The following PHKB variants were observed in gnomAD, a reference collection of about 807,000 sequenced individuals.
PHKB encodes the protein phosphorylase kinase regulatory subunit beta.
Under a neutral mutation model 152.1 loss-of-function variants are expected in PHKB, and 122 were observed. That is an observed-to-expected ratio of 0.80 (90% CI 0.69 to 0.93). The LOEUF (loss-of-function observed/expected upper bound fraction) is 0.93, where lower values mean the gene tolerates loss of function less well. PHKB is among the 40% of genes least tolerant of loss of function. The pLI is 0.00. For missense variants in PHKB, 1,304 were observed against 1,328.4 expected (o/e 0.98, Z 0.29); for synonymous variants, 436 against 464.9 (o/e 0.94, Z 0.80).
intron 7 of PHKB, among the ~76,000 whole-genome samples, chr16:47,569,875 G>A (rs528805026): frequency 3.9e-5 from 6 of 152,070 alleles, no homozygotes; most frequent in Admixed American, 6.5e-5. Context: ...CACCTGCCTC[G>A]GCCTCCCAAA....
intron 6 of PHKB, among the ~76,000 whole-genome samples, chr16:47,530,184 A>G (rs1178271919): frequency 2.8e-5 from 4 of 143,534 alleles, no homozygotes; most frequent in Non-Finnish European, 4.5e-5. Context: ...CACCCAAGCT[A>G]GATGGCAGTG....
At chr16:47,603,543 G>A (rs1487476822) in intron 13 of PHKB, among the ~76,000 whole-genome samples, 6 of 144,594 alleles carry the variant, frequency 4.1e-5, no homozygotes, top group South Asian at 2.2e-4. Context: ...TCGCTGTGTC[G>A]CCCAGGCTGG....
intron 1 of PHKB, among the ~76,000 whole-genome samples, chr16:47,476,608 A>G (rs1465163270): frequency 2.0e-5 from 3 of 152,218 alleles, no homozygotes; most frequent in Non-Finnish European, 2.9e-5. Flanking sequence ...TTTTCATTAT[A>G]TTGATACTTA....
intron 13 of PHKB, among the ~76,000 whole-genome samples, chr16:47,609,880 A>G (rs1355122645): frequency 1.3e-5 from 2 of 151,828 alleles, no homozygotes; most frequent in African/African-American, 4.8e-5. Flanking sequence ...GATTTTCTTG[A>G]TTCTGTATTG....
intron 27 of PHKB, 115 bp downstream of exon 27, chr16:47,689,290 G>A (rs1401573339): frequency 3.9e-6 from 4 of 1,014,640 alleles, no homozygotes; most frequent in Non-Finnish European, 3.0e-6. Context: ...ATTCAACAGA[G>A]TGTCAGAGGC....
chr16:47,466,930 G>A (rs541621130), intron 1 of PHKB, among the ~76,000 whole-genome samples: 2 of 152,184 alleles, frequency 1.3e-5, no homozygotes, highest in East Asian at 3.9e-4. Flanking sequence ...TGGTGTTCAC[G>A]TACACCTGGG....
At chr16:47,635,237 G>A (rs1358630542) in intron 14 of PHKB, among the ~76,000 whole-genome samples, 1 of 152,132 alleles carries the variant, frequency 6.6e-6, no homozygotes, top group Non-Finnish European at 1.5e-5. Flanking sequence ...TCTCCATGTT[G>A]CCACTTAATA....
intron 7 of PHKB, among the ~76,000 whole-genome samples, chr16:47,575,852 G>C (rs914595081): frequency 2.6e-5 from 4 of 152,128 alleles, no homozygotes; most frequent in African/African-American, 9.7e-5. Flanking sequence ...CGAGACAGGC[G>C]GATCACCTGA....
At position 47,669,389 on chromosome 16, in the gene PHKB, T is replaced by G; in HGVS notation, c.2602T>G (p.Phe868Val). ...GWIISNNPEL[F>V]SGMLKIRIGW... ...GATCATCTCCAATAACCCTGAGTTATTCAGTGGCATGCTGAAAATACGAAT... is the reference window on the plus strand; with the variant it reads ...GATCATCTCCAATAACCCTGAGTTAGTCAGTGGCATGCTGAAAATACGAAT... Residue 868 changes from phenylalanine (F) to valine (V), a missense_variant, in exon 26 of 31, where the codon TTC becomes GTC. Phe to Val is a conservative substitution (Grantham distance 50, BLOSUM62 -1). Coordinates refer to ENST00000323584, the MANE Select transcript of PHKB (RefSeq NM_000293.3). The G allele has an allele frequency of 6.2e-7, 1 of 1,614,188 alleles. No individual in the cohort carries two copies. The highest frequency in any genetic ancestry group is 8.5e-7 in the Non-Finnish European group (1 of 1,180,012).
chr16:47,499,063 A>G (rs1970279923), intron 2 of PHKB, among the ~76,000 whole-genome samples: 1 of 152,232 alleles, frequency 6.6e-6, no homozygotes, highest in Non-Finnish European at 1.5e-5. Flanking sequence ...ATAAAAGATA[A>G]TAAAATATTA....
chr16:47,492,132 T>C (rs1409964511), intron 1 of PHKB, among the ~76,000 whole-genome samples: 4 of 152,178 alleles, frequency 2.6e-5, no homozygotes, highest in Admixed American at 2.6e-4. Flanking sequence ...AGGATTGAAC[T>C]CCTGGCTGCC....
At position 47,546,514 on chromosome 16, in the gene PHKB, TAGTC is replaced by T. The variant is rs988735135; in HGVS notation, c.595-916_595-913del. Among the ~76,000 whole-genome samples the T allele has an allele frequency of 5.8e-4, 89 of 152,258 alleles. 1 individual carries two copies. The highest frequency in any genetic ancestry group is 1.5e-4 in the Non-Finnish European group (10 of 68,024). ...AGGGGCACCCAGCTGTATGAGGTGT[TAGTC>T]AGCCCCTACTCGGACGTGTCTCCAA... On this transcript the variant is annotated intron_variant, in intron 6 of 30. Coordinates refer to ENST00000323584, the MANE Select transcript of PHKB (RefSeq NM_000293.3).
At chr16:47,680,382 G>C (rs1302224122) in intron 26 of PHKB, among the ~76,000 whole-genome samples, 1 of 152,140 alleles carries the variant, frequency 6.6e-6, no homozygotes, top group African/African-American at 2.4e-5. Context: ...GAATTTGGCT[G>C]TGAATCCATC....
At chr16:47,601,619 C>G (rs1028260129) in intron 13 of PHKB, among the ~76,000 whole-genome samples, 2 of 151,844 alleles carry the variant, frequency 1.3e-5, no homozygotes, top group African/African-American at 2.4e-5. Flanking sequence ...GCAGGAGAAT[C>G]GCTTGAACCT....
At chr16:47,590,514 G>C (rs1237404275) in intron 10 of PHKB, 3 of 152,084 alleles carry the variant, frequency 2.0e-5, no homozygotes, top group African/African-American at 7.2e-5. Context: ...AGTCTGTTAG[G>C]TTGGGCCAAA....
Position 47,610,288 on chromosome 16 carries a change from C to T in PHKB, c.1364-538C>T, listed in dbSNP as rs143097029. Among the ~76,000 whole-genome samples, 107 of 150,474 alleles carry T rather than the reference C, an allele frequency of 7.1e-4. 3 individuals are homozygous for T. The East Asian group carries it at 0.018, about 25-fold the overall frequency. Reference sequence around the variant, plus strand: ...CCTCCCAAAGTGCTGGGATTACAGGCGTGACCCACTGTGCCCAGCCATCTC... The same window carrying T: ...CCTCCCAAAGTGCTGGGATTACAGGTGTGACCCACTGTGCCCAGCCATCTC... On this transcript the variant is annotated intron_variant, in intron 13 of 30. Coordinates refer to ENST00000323584, the MANE Select transcript of PHKB (RefSeq NM_000293.3).
intron 1 of PHKB, among the ~76,000 whole-genome samples, chr16:47,491,862 C>G (rs907773206): frequency 1.3e-5 from 2 of 152,086 alleles, no homozygotes; most frequent in Non-Finnish European, 2.9e-5. Context: ...CGTGTTTTTC[C>G]CAAGGAGTCC....
chr16:47,563,285 G>A (rs536505089), intron 7 of PHKB, among the ~76,000 whole-genome samples: 1 of 151,196 alleles, frequency 6.6e-6, no homozygotes, highest in African/African-American at 2.4e-5. Flanking sequence ...AAATCCATCA[G>A]AGGAATCACT....
intron 26 of PHKB, among the ~76,000 whole-genome samples, chr16:47,679,215 C>G (rs1169265509): frequency 6.6e-6 from 1 of 152,110 alleles, no homozygotes; most frequent in Non-Finnish European, 1.5e-5. Flanking sequence ...ATGCCTCCAG[C>G]TTTGTTCTTT....
Sources: gnomAD v4.1 joint callset for allele counts (sites outside exome capture counted in the v4.1 genomes callset) on GRCh38, gnomAD v4.1.1 for gene constraint, MANE v1.5 for transcripts, NCBI Gene and HGNC (gene_info 2026-07-23, HGNC 2026-07-21) for gene names.